Variants in JAKMIP1 observed in about 807,000 individuals in gnomAD.
JAKMIP1 encodes the protein janus kinase and microtubule interacting protein 1.
A neutral mutation model predicts 113.0 loss-of-function variants in JAKMIP1; 33 were observed. The observed-to-expected ratio is 0.29, with a 90% confidence interval of 0.22 to 0.39. The LOEUF is 0.39. JAKMIP1 is among the 10% of genes least tolerant of loss of function. JAKMIP1 has a pLI of 1.00. For synonymous variants in JAKMIP1, 480 were observed against 459.9 expected, an observed-to-expected ratio of 1.04 and a Z score of -0.56; for missense variants, 813 against 1,080.5, an observed-to-expected ratio of 0.75 and a Z score of 3.47.
chr4:6,055,411 C>T (rs1173743616), intron 12 of JAKMIP1, among the ~76,000 whole-genome samples: 1 of 152,212 alleles, frequency 6.6e-6, no homozygotes, highest in Non-Finnish European at 1.5e-5. Context: ...AATTCCAAAG[C>T]ATTAGAGCTA....
rs1163317069 is a variant in JAKMIP1 at position 6,156,594 on chromosome 4, C to T, written c.-147-43597G>A. Among the ~76,000 whole-genome samples, 1 of 152,246 alleles carries T rather than the reference C, an allele frequency of 6.6e-6. No individual in the cohort carries two copies. Among genetic ancestry groups the T allele is most frequent in the Non-Finnish European group, 1.5e-5 (1 of 68,042 alleles). On this transcript the variant is annotated intron_variant, in intron 1 of 20. Transcript: ENST00000409021. The surrounding 1 kb of genome is among the most constrained non-coding windows in gnomAD (Gnocchi z 5.0). ...ATCCTGGTGACCCAGGGCTTAGCTA[C>T]TGAGATGCAACTCAAAGATCTGATG...
At position 6,109,371 on chromosome 4, in the gene JAKMIP1, T is replaced by G. The variant is rs371385028; in HGVS notation, c.129+3351A>C. 2.7e-3 allele frequency among the ~76,000 whole-genome samples: 416 copies of G among 151,776 alleles called. 1 individual carries two copies. The highest frequency in any genetic ancestry group is 6.8e-3 in the Middle Eastern group (2 of 294). ...GATGGTCTCGATCTCCTGACCTCAT[T>G]ATCCGCCCGCCTTGGCCTCCCAAAG... On this transcript the variant is annotated intron_variant, in intron 2 of 20. Transcript: ENST00000409021.
In JAKMIP1 at chr4:6,162,723, A is replaced by G. The variant is rs6446468; in HGVS notation, c.-148+37530T>C. On this transcript the variant is annotated intron_variant, in intron 1 of 20. Transcript: ENST00000409021. The surrounding 1 kb of genome is among the most constrained non-coding windows in gnomAD (Gnocchi z 5.6). ...TCATCGTTCCCACTTTACAGGTAAT[A>G]AAACTGGCTCAGAAAGGTTAAGTGA... 0.071 allele frequency among the ~76,000 whole-genome samples: 10,821 copies of G among 152,178 alleles called. 1,231 individuals carry two copies. The highest frequency in any genetic ancestry group is 0.24 in the African/African-American group (9,974 of 41,468).
At chr4:6,038,097 A>G (rs1713784206) in intron 18 of JAKMIP1, among the ~76,000 whole-genome samples, 1 of 138,862 alleles carries the variant, frequency 7.2e-6, no homozygotes, top group Non-Finnish European at 1.5e-5. Flanking sequence ...GTAGCCCTCC[A>G]TCACTGAGGC....
At position 6,137,552 on chromosome 4, in the gene JAKMIP1, T is replaced by C. The variant is rs1405754281; in HGVS notation, c.-147-24555A>G. ...CAGGAGCTGTGATTTGGTTGAACGTTCCAGATGGCCTCACTCGAGAGACGC... is the reference window on the plus strand; with the variant it reads ...CAGGAGCTGTGATTTGGTTGAACGTCCCAGATGGCCTCACTCGAGAGACGC... On this transcript the variant is annotated intron_variant, in intron 1 of 20. Coordinates refer to ENST00000409021, the MANE Select transcript of JAKMIP1 (RefSeq NM_001099433.2). This position sits in a 1 kb window ranked among gnomAD's most constrained non-coding sequence, Gnocchi z 4.5. Among the ~76,000 whole-genome samples, 1 of 152,154 alleles carries C rather than the reference T, an allele frequency of 6.6e-6. No individual in the cohort carries two copies. Among genetic ancestry groups the C allele is most frequent in the African/African-American group, 2.4e-5 (1 of 41,420 alleles).
chr4:6,123,922 G>A (rs1717056198), intron 1 of JAKMIP1, among the ~76,000 whole-genome samples: 1 of 152,234 alleles, frequency 6.6e-6, no homozygotes, highest in African/African-American at 2.4e-5. Context: ...GGTGCTTGCT[G>A]TCTCTTTTTA....
intron 1 of JAKMIP1, among the ~76,000 whole-genome samples, chr4:6,128,659 G>T (rs1226121204): frequency 6.6e-6 from 1 of 152,090 alleles, no homozygotes; most frequent in African/African-American, 2.4e-5. Flanking sequence ...TTCCCTCCGG[G>T]GCTCGCTCCC....
rs998775508 is a variant in JAKMIP1 at position 6,097,248 on chromosome 4, C to T, written c.624+8225G>A. 6.6e-6 allele frequency among the ~76,000 whole-genome samples: 1 copy of T among 152,204 alleles called. No individual in the cohort carries two copies. Among genetic ancestry groups the T allele is most frequent in the Non-Finnish European group, 1.5e-5 (1 of 68,036 alleles). The stretch of plus-strand genomic sequence containing the variant: ...TCAGCCTCAAGCAATCCTCCCACCT[C>T]AGCCTCCTGATGTATTGGGATTACA... On this transcript the variant is annotated intron_variant, in intron 3 of 20. Coordinates refer to ENST00000409021, the MANE Select transcript of JAKMIP1 (RefSeq NM_001099433.2). This position sits in a 1 kb window ranked among gnomAD's most constrained non-coding sequence, Gnocchi z 4.3.
intron 10 of JAKMIP1, among the ~76,000 whole-genome samples, chr4:6,062,057 C>T (rs1717365424): frequency 6.6e-6 from 1 of 152,232 alleles, no homozygotes; most frequent in African/African-American, 2.4e-5. Context: ...ACATGCTCTC[C>T]TCCAAACAGA....
Position 6,086,007 on chromosome 4 carries a change from T to C in JAKMIP1, c.625-378A>G, listed in dbSNP as rs1178443311. Among the ~76,000 whole-genome samples the C allele has an allele frequency of 1.3e-5, 2 of 151,990 alleles. 1 individual carries two copies. The highest frequency in any genetic ancestry group is 4.8e-5 in the African/African-American group (2 of 41,356). On this transcript the variant is annotated intron_variant, in intron 3 of 20. Coordinates refer to ENST00000409021, the MANE Select transcript of JAKMIP1 (RefSeq NM_001099433.2). The surrounding 1 kb of genome is among the most constrained non-coding windows in gnomAD (Gnocchi z 4.1). ...GCTTCTCTCTCCGTCTCCAGGACCA[T>C]GTCTCCCTCTCAGTCATTGACCCTC...
Position 6,044,843 on chromosome 4 carries a change from T to G in JAKMIP1, c.2029-2616A>C, listed in dbSNP as rs1351114801. ...ACCACGTGAGATCAGAAATTTAATATCAAAGAGTTTGGCCAGATAGCTGTG... is the reference window on the plus strand; with the variant it reads ...ACCACGTGAGATCAGAAATTTAATAGCAAAGAGTTTGGCCAGATAGCTGTG... On this transcript the variant is annotated intron_variant, in intron 16 of 20. Coordinates refer to ENST00000409021, the MANE Select transcript of JAKMIP1 (RefSeq NM_001099433.2). The surrounding 1 kb of genome is among the most constrained non-coding windows in gnomAD (Gnocchi z 4.4). Among the ~76,000 whole-genome samples the G allele has an allele frequency of 6.6e-6, 1 of 152,186 alleles. No homozygotes were observed. Among genetic ancestry groups the G allele is most frequent in the Non-Finnish European group, 1.5e-5 (1 of 68,032 alleles).
chr4:6,173,991 C>A (rs1578466914), intron 1 of JAKMIP1, among the ~76,000 whole-genome samples: 1 of 152,124 alleles, frequency 6.6e-6, no homozygotes, highest in Non-Finnish European at 1.5e-5. Flanking sequence ...ATCGCTTGAA[C>A]CTGGAAGGTG....
At chr4:6,182,423 A>AAAAAAG (rs1553864360) in intron 1 of JAKMIP1, among the ~76,000 whole-genome samples, 4 of 140,168 alleles carry the variant, frequency 2.9e-5, no homozygotes, top group South Asian at 2.4e-4. Flanking sequence ...AAAAAAAAAA[A>AAAAAAG]AAAGAAAGAA....
intron 1 of JAKMIP1, among the ~76,000 whole-genome samples, chr4:6,161,553 G>GAA (rs34013600): frequency 0.017 from 2,526 of 147,680 alleles, 40 homozygotes; most frequent in African/African-American, 0.041. Flanking sequence ...AAACTCAGTG[G>GAA]AAAAAAAAAA....
intron 19 of JAKMIP1, among the ~76,000 whole-genome samples, chr4:6,034,752 G>A (rs1324450684): frequency 1.3e-5 from 2 of 152,178 alleles, no homozygotes; most frequent in Non-Finnish European, 2.9e-5. Flanking sequence ...AGGGAGCTGA[G>A]ATCGTCCCAC....
At chr4:6,196,168 C>T (rs1727808307) in intron 1 of JAKMIP1, among the ~76,000 whole-genome samples, 1 of 152,196 alleles carries the variant, frequency 6.6e-6, no homozygotes, top group African/African-American at 2.4e-5. Context: ...TCACCACGGG[C>T]CCTTTCTCCT....
At position 6,137,188 on chromosome 4, in the gene JAKMIP1, A is replaced by G. The variant is rs1719369113; in HGVS notation, c.-147-24191T>C. On this transcript the variant is annotated intron_variant, in intron 1 of 20. Coordinates refer to ENST00000409021, the MANE Select transcript of JAKMIP1 (RefSeq NM_001099433.2). The surrounding 1 kb of genome is among the most constrained non-coding windows in gnomAD (Gnocchi z 4.5). ...CAGAGCCTCCCCCATAGGGCTTGGA[A>G]TCGAGCCACATGCAGCTCTGCCTCC... 6.6e-6 allele frequency among the ~76,000 whole-genome samples: 1 copy of G among 152,074 alleles called. No homozygotes were observed. The highest frequency in any genetic ancestry group is 1.5e-5 in the Non-Finnish European group (1 of 68,016).
chr4:6,096,116 C>T (rs2108852249), intron 3 of JAKMIP1, among the ~76,000 whole-genome samples: 1 of 152,224 alleles, frequency 6.6e-6, no homozygotes, highest in African/African-American at 2.4e-5. Context: ...CACAGGAGTG[C>T]CTGTGCAAGG....
At chr4:6,123,750 G>A (rs963382403) in intron 1 of JAKMIP1, among the ~76,000 whole-genome samples, 2 of 152,190 alleles carry the variant, frequency 1.3e-5, no homozygotes, top group South Asian at 2.1e-4. Flanking sequence ...GAGCCTAGGA[G>A]TTCAAAACTG....
Sources: allele counts gnomAD v4.1 joint callset (sites outside exome capture counted in the v4.1 genomes callset), GRCh38; gene constraint gnomAD v4.1.1; non-coding constraint Gnocchi (gnomAD v3.1); transcripts MANE v1.5; gene names NCBI Gene and HGNC (gene_info 2026-07-23, HGNC 2026-07-21).